AHCYL2: variants seen among roughly 807,000 people sequenced by gnomAD.
AHCYL2 encodes the protein S-adenosylhomocysteine hydrolase-like protein 2.
In AHCYL2, 28 loss-of-function variants were observed where a neutral mutation model predicts 81.4. The observed-to-expected ratio is 0.34, with a 90% CI of 0.25 to 0.47. AHCYL2 has a LOEUF of 0.47. AHCYL2 is among the 20% of genes least tolerant of loss of function. The pLI, the probability that AHCYL2 is intolerant of heterozygous loss-of-function variation, is 1.00. For synonymous variants in AHCYL2, 272 were observed against 290.2 expected (o/e 0.94, Z 0.64); for missense variants, 551 against 785.1 (o/e 0.70, Z 3.56).
chr7:129,377,273 G>A (rs1794730525), intron 1 of AHCYL2, among the ~76,000 whole-genome samples: 1 of 152,128 alleles, frequency 6.6e-6, no homozygotes, highest in African/African-American at 2.4e-5. Context: ...TACATAGAAA[G>A]GGCACTTTAT....
At chr7:129,375,127 C>G (rs1794616957) in intron 1 of AHCYL2, among the ~76,000 whole-genome samples, 1 of 152,174 alleles carries the variant, frequency 6.6e-6, no homozygotes, top group African/African-American at 2.4e-5. Flanking sequence ...AACTGGGTCA[C>G]TCTGTGCCAA....
chr7:129,400,122 A>G (rs778649365), intron 5 of AHCYL2, among the ~76,000 whole-genome samples, 168 bp from the exon 6 acceptor site: 1 of 152,192 alleles, frequency 6.6e-6, no homozygotes, highest in Non-Finnish European at 1.5e-5. Context: ...AGACAAAGGA[A>G]TGGATAAAGG....
chr7:129,373,486 G>A (rs908943614), intron 1 of AHCYL2, among the ~76,000 whole-genome samples: 1 of 152,022 alleles, frequency 6.6e-6, no homozygotes, highest in African/African-American at 2.4e-5. Context: ...TGTAGTCCCA[G>A]CTACTCGGGA....
chr7:129,282,082 A>G (rs1441520283), intron 1 of AHCYL2, among the ~76,000 whole-genome samples: 2 of 152,304 alleles, frequency 1.3e-5, no homozygotes, highest in Admixed American at 1.3e-4. Flanking sequence ...CATTATGGTT[A>G]GAGAACATAC....
chr7:129,309,237 A>C (rs1797554667), intron 1 of AHCYL2, among the ~76,000 whole-genome samples: 1 of 150,164 alleles, frequency 6.7e-6, no homozygotes, highest in Non-Finnish European at 1.5e-5. Context: ...GTCTCAAAAC[A>C]ACAACAAAAA....
intron 1 of AHCYL2, among the ~76,000 whole-genome samples, chr7:129,282,769 A>AT (rs545372655): frequency 0.011 from 1,674 of 148,182 alleles, 15 homozygotes; most frequent in Non-Finnish European, 0.017. Context: ...TAGGTACTGG[A>AT]TTTTTTTTTT....
intron 1 of AHCYL2, among the ~76,000 whole-genome samples, chr7:129,254,399 T>G (rs1795340827): frequency 6.6e-6 from 1 of 152,204 alleles, no homozygotes; most frequent in Non-Finnish European, 1.5e-5. Context: ...ATCCATTATC[T>G]TACTTGATAC....
At chr7:129,230,267 A>G (rs1794380372) in intron 1 of AHCYL2, among the ~76,000 whole-genome samples, 1 of 151,346 alleles carries the variant, frequency 6.6e-6, no homozygotes. Flanking sequence ...AATTTTTAGT[A>G]GAGACTGGGT....
At chr7:129,225,766 C>G (rs1038047319) in intron 1 of AHCYL2, among the ~76,000 whole-genome samples, 1 of 152,166 alleles carries the variant, frequency 6.6e-6, no homozygotes, top group Non-Finnish European at 1.5e-5. Flanking sequence ...GATTTTCCAG[C>G]CTATCGGGGA....
At chr7:129,340,538 A>C (rs756655619) in intron 1 of AHCYL2, among the ~76,000 whole-genome samples, 12 of 150,766 alleles carry the variant, frequency 8.0e-5, no homozygotes, top group Non-Finnish European at 1.6e-4. Flanking sequence ...ACTGCACTCC[A>C]GCCTGGGAGA....
chr7:129,296,143 A>C (rs1301321859), intron 1 of AHCYL2, among the ~76,000 whole-genome samples: 1 of 152,184 alleles, frequency 6.6e-6, no homozygotes, highest in Non-Finnish European at 1.5e-5. Flanking sequence ...TTTTGGAGGA[A>C]TCATGTAGGA....
At chr7:129,323,686 T>C (rs1324134618) in intron 1 of AHCYL2, among the ~76,000 whole-genome samples, 1 of 152,190 alleles carries the variant, frequency 6.6e-6, no homozygotes, top group Non-Finnish European at 1.5e-5. Flanking sequence ...GGTTTGTCTA[T>C]TCCTTTTGGC....
chr7:129,261,667 T>TA (rs1040205821), intron 1 of AHCYL2, among the ~76,000 whole-genome samples: 1 of 152,220 alleles, frequency 6.6e-6, no homozygotes, highest in African/African-American at 2.4e-5. Flanking sequence ...GTTAAACCCT[T>TA]AATCTATGAT....
At chr7:129,327,919 C>T (rs940646602) in intron 1 of AHCYL2, among the ~76,000 whole-genome samples, 1 of 151,846 alleles carries the variant, frequency 6.6e-6, no homozygotes, top group Non-Finnish European at 1.5e-5. Flanking sequence ...TCAGCCTCCC[C>T]AGTAGCTGGT....
intron 1 of AHCYL2, among the ~76,000 whole-genome samples, chr7:129,347,456 A>G (rs149208200): frequency 6.8e-4 from 103 of 152,252 alleles, no homozygotes; most frequent in African/African-American, 1.7e-3. Flanking sequence ...TTAAACGTCT[A>G]TTTTTAAAAA....
intron 1 of AHCYL2, among the ~76,000 whole-genome samples, chr7:129,236,264 GATCTC>G (rs1258485407): frequency 2.6e-5 from 4 of 151,534 alleles, no homozygotes; most frequent in African/African-American, 9.7e-5. Context: ...ACAGTGGTGT[GATCTC>G]AGCTCACTGC....
chr7:129,387,171 T>G (rs1177426079), intron 2 of AHCYL2, among the ~76,000 whole-genome samples: 1 of 152,268 alleles, frequency 6.6e-6, no homozygotes, highest in East Asian at 1.9e-4. Context: ...TTTAAAGCTC[T>G]AAATAATTAA....
chr7:129,228,541 CTA>C (rs1794307609), intron 1 of AHCYL2, among the ~76,000 whole-genome samples: 1 of 152,158 alleles, frequency 6.6e-6, no homozygotes, highest in Non-Finnish European at 1.5e-5. Flanking sequence ...CCAAAAATCT[CTA>C]TAAGAAGTAA....
At chr7:129,369,401 A>G (rs1794265912) in intron 1 of AHCYL2, among the ~76,000 whole-genome samples, 2 of 152,214 alleles carry the variant, frequency 1.3e-5, no homozygotes, top group African/African-American at 4.8e-5. Flanking sequence ...TGAAGAAATA[A>G]CTATTGATAA....
Sources: gnomAD v4.1 joint callset for allele counts (sites outside exome capture counted in the v4.1 genomes callset) on GRCh38, gnomAD v4.1.1 for gene constraint, MANE v1.5 for transcripts, NCBI Gene and HGNC (gene_info 2026-07-23, HGNC 2026-07-21) for gene names.